JAKMIP2: variants seen among roughly 807,000 people sequenced by gnomAD.
JAKMIP2 encodes the protein janus kinase and microtubule interacting protein 2.
JAKMIP2 carries 25 observed loss-of-function variants against 115.0 expected under a neutral mutation model. The ratio of observed to expected loss-of-function variants is 0.22; its 90% CI spans 0.16 to 0.30. The LOEUF is 0.30. Ranked by LOEUF, JAKMIP2 falls within the 10% of genes least tolerant of loss-of-function variation. JAKMIP2 has a pLI of 1.00. For missense variants in JAKMIP2, 642 were observed against 957.6 expected (o/e 0.67, Z 4.35); for synonymous variants, 334 against 343.6 (o/e 0.97, Z 0.31).
At position 147,585,769 on chromosome 5, in the gene JAKMIP2, G is replaced by C. The variant is rs1029221685; in HGVS notation, c.*5938C>G. ...AAAGCTCTGTGAAATTGGACCCTTG[G>C]CTACATTAACACAGTAAACACCTGG... On this transcript the variant is annotated 3_prime_UTR_variant, in exon 22 of 22. Transcript: ENST00000616793. The C allele has an allele frequency of 1.3e-5, 2 of 152,104 alleles. No homozygotes were observed. Among genetic ancestry groups the C allele is most frequent in the Non-Finnish European group, 2.9e-5 (2 of 68,030 alleles). 9.4% of individuals were successfully genotyped at this position (152,104 alleles called of 1,614,324 possible).
At chr5:147,605,483 A>G (rs1453772825) in intron 20 of JAKMIP2, among the ~76,000 whole-genome samples, 1 of 152,082 alleles carries the variant, frequency 6.6e-6, no homozygotes, top group Non-Finnish European at 1.5e-5. Flanking sequence ...TGCTGGGATT[A>G]CAGGTGTGAG....
chr5:147,712,629 C>T (rs1229352153), intron 1 of JAKMIP2, among the ~76,000 whole-genome samples: 1 of 151,918 alleles, frequency 6.6e-6, no homozygotes, highest in African/African-American at 2.4e-5. Flanking sequence ...ATTGCTTTGC[C>T]AATATTGCTT....
At chr5:147,699,908 GA>G (rs1752255547) in intron 1 of JAKMIP2, among the ~76,000 whole-genome samples, 1 of 152,232 alleles carries the variant, frequency 6.6e-6, no homozygotes, top group South Asian at 2.1e-4. Context: ...GGTGCTGTGT[GA>G]AGCAGAAAAT....
Position 147,668,789 on chromosome 5 carries a change from G to A in JAKMIP2, c.129+2889C>T, listed in dbSNP as rs115168214. ...TGACAGATGAAGAAGGAAAAACACA[G>A]AGGGGTTTTATAACCTTCTCCAGGC... On this transcript the variant is annotated intron_variant, in intron 2 of 21. Transcript: ENST00000616793. 5.0e-3 allele frequency among the ~76,000 whole-genome samples: 761 copies of A among 152,322 alleles called. 4 individuals are homozygous for A. Among genetic ancestry groups the A allele is most frequent in the Non-Finnish European group, 7.8e-3 (531 of 68,032 alleles).
At chr5:147,630,971 G>T (rs140164814) in intron 14 of JAKMIP2, among the ~76,000 whole-genome samples, 37 of 152,308 alleles carry the variant, frequency 2.4e-4, no homozygotes, top group African/African-American at 8.2e-4. Context: ...CAAAAGAGAT[G>T]TTGGACTAGA....
At chr5:147,646,952 A>G (rs1758164089) in intron 5 of JAKMIP2, among the ~76,000 whole-genome samples, 1 of 151,930 alleles carries the variant, frequency 6.6e-6, no homozygotes, top group South Asian at 2.1e-4. Context: ...TTTTGGGAGA[A>G]CAAGCAGACA....
chr5:147,666,011 C>T (rs2126793069), intron 2 of JAKMIP2, among the ~76,000 whole-genome samples: 1 of 152,298 alleles, frequency 6.6e-6, no homozygotes, highest in Non-Finnish European at 1.5e-5. Flanking sequence ...AAAACAAACA[C>T]TGTCTATCCC....
At chr5:147,614,458 C>T (rs1756478236) in intron 19 of JAKMIP2, among the ~76,000 whole-genome samples, 2 of 152,180 alleles carry the variant, frequency 1.3e-5, no homozygotes, top group Admixed American at 6.5e-5. Context: ...GAAAACCTTG[C>T]TGGATCTAAA....
At chr5:147,612,906 C>A (rs551857987) in intron 19 of JAKMIP2, among the ~76,000 whole-genome samples, 39 of 152,312 alleles carry the variant, frequency 2.6e-4, no homozygotes, top group African/African-American at 9.4e-4. Context: ...ACCTTTTTAT[C>A]TTAACCCCAT....
At chr5:147,761,058 G>A (rs924172496) in intron 1 of JAKMIP2, among the ~76,000 whole-genome samples, 2 of 152,006 alleles carry the variant, frequency 1.3e-5, no homozygotes, top group African/African-American at 4.8e-5. Flanking sequence ...AAAGACACAG[G>A]GTGAATCTTC....
intron 3 of JAKMIP2, among the ~76,000 whole-genome samples, chr5:147,655,904 C>T (rs1225410730): frequency 2.6e-5 from 4 of 152,154 alleles, no homozygotes; most frequent in Non-Finnish European, 5.9e-5. Context: ...TCTCTGTTCT[C>T]ATTGTTTTCA....
chr5:147,717,920 G>C (rs1185307734), intron 1 of JAKMIP2, among the ~76,000 whole-genome samples: 1 of 62,796 alleles, frequency 1.6e-5, no homozygotes, highest in Admixed American at 1.9e-4. Flanking sequence ...TCCCTGTCTT[G>C]TGCCAGTTTT....
In JAKMIP2 at chr5:147,702,567, AGAAAGAAAGAAG is replaced by A. The variant is rs1561547183; in HGVS notation, c.-148-30625_-148-30614del. 5.9e-5 allele frequency among the ~76,000 whole-genome samples: 6 copies of A among 101,388 alleles called. No individual in the cohort carries two copies. In the East Asian group the frequency reaches 1.0e-3, roughly 18 times the overall value. 66.5% of individuals were successfully genotyped at this position (101,388 alleles called of 152,430 possible). On this transcript the variant is annotated intron_variant, in intron 1 of 21. Coordinates refer to ENST00000616793, the MANE Select transcript of JAKMIP2 (RefSeq NM_001270941.2). ...AGACAAAGAAAGAAGAAAGAAAGAA[AGAAAGAAAGAAG>A]GAAAGAAAGAAAGAAAGAAAGAAGG...
At chr5:147,603,332 G>T (rs1190437933) in intron 20 of JAKMIP2, among the ~76,000 whole-genome samples, 1 of 152,212 alleles carries the variant, frequency 6.6e-6, no homozygotes, top group East Asian at 1.9e-4. Flanking sequence ...CAGATGAAAT[G>T]ATGGCAGTGG....
chr5:147,713,695 G>C (rs1456360887), intron 1 of JAKMIP2, among the ~76,000 whole-genome samples: 1 of 152,176 alleles, frequency 6.6e-6, no homozygotes, highest in Non-Finnish European at 1.5e-5. Flanking sequence ...AGAACATAGA[G>C]CACTCAGGGA....
At chr5:147,710,997 T>A (rs1752757006) in intron 1 of JAKMIP2, among the ~76,000 whole-genome samples, 1 of 152,210 alleles carries the variant, frequency 6.6e-6, no homozygotes, top group Non-Finnish European at 1.5e-5. Flanking sequence ...GGCTTTTAAA[T>A]CTTTCTAAAC....
intron 1 of JAKMIP2, among the ~76,000 whole-genome samples, chr5:147,737,705 T>C (rs944346698): frequency 6.6e-6 from 1 of 152,226 alleles, no homozygotes; most frequent in African/African-American, 2.4e-5. Context: ...TTTTTCAAAA[T>C]GTTATAATGG....
chr5:147,782,464 G>T lies in JAKMIP2; in HGVS notation c.-157C>A, dbSNP rs1355795671. 4 of 1,535,862 alleles carry T rather than the reference G, an allele frequency of 2.6e-6. No homozygotes were observed. In the African/African-American group the frequency reaches 4.1e-5, roughly 16 times the overall value. ...TACTGTTTCCTACTCACCATGCTGA[G>T]ACCCGGAGAAGCTGTTTAAAGGAGG... On this transcript the variant is annotated 5_prime_UTR_variant, in exon 1 of 22. Coordinates refer to ENST00000616793, the MANE Select transcript of JAKMIP2 (RefSeq NM_001270941.2).
rs761148139 is a variant in JAKMIP2, at chr5:147,650,482, T to C, written c.693A>G (p.Thr231=). Residue 231 remains threonine (T), a synonymous_variant, in exon 4 of 22, where the codon ACA becomes ACG. Coordinates refer to ENST00000616793, the MANE Select transcript of JAKMIP2 (RefSeq NM_001270941.2). ...GAAGTTGGAGTTTCTGTACATAGCC[T>C]GTCTGGGTCTCCAGTTCCTTTTCCA... is the stretch of plus-strand genomic sequence containing the variant. ...FSLEKELETQ[T]GYVQKLQLQK... is the part of the protein sequence containing the mutation. 4 of 1,613,926 alleles carry C rather than the reference T, an allele frequency of 2.5e-6. No homozygotes were observed. The highest frequency in any genetic ancestry group is 3.4e-6 in the Non-Finnish European group (4 of 1,179,850).
Sources: gnomAD v4.1 joint callset for allele counts (sites outside exome capture counted in the v4.1 genomes callset) on GRCh38, gnomAD v4.1.1 for gene constraint, MANE v1.5 for transcripts, NCBI Gene and HGNC (gene_info 2026-07-23, HGNC 2026-07-21) for gene names.